Variants in RAB3B observed in about 807,000 individuals in gnomAD.
The protein encoded by RAB3B is RAB3B, member RAS oncogene family, also known as ras-related protein Rab-3B.
RAB3B carries 11 observed loss-of-function variants against 20.5 expected under a neutral mutation model. The ratio of observed to expected loss-of-function variants is 0.54; its 90% CI spans 0.34 to 0.89. RAB3B has a LOEUF of 0.89. Ranked by LOEUF, RAB3B falls within the 40% of genes least tolerant of loss-of-function variation. The probability of loss-of-function intolerance (pLI) is 0.02; values close to 1 mark genes in which losing one functional copy is unlikely to be tolerated. For missense variants in RAB3B, 225 were observed against 280.9 expected (o/e 0.80, Z 1.42); for synonymous variants, 99 against 106.3 (o/e 0.93, Z 0.42).
intron 4 of RAB3B, among the ~76,000 whole-genome samples, chr1:51,924,375 C>T (rs1007882264): frequency 1.3e-5 from 2 of 152,066 alleles, no homozygotes; most frequent in African/African-American, 4.8e-5. Flanking sequence ...AGACCAGGGA[C>T]GGTTTCTTGG....
At position 51,937,411 on chromosome 1, in the gene RAB3B, T is replaced by G; in HGVS notation, c.230A>C (p.Asp77Ala). 2 of 1,565,436 alleles carry G rather than the reference T, an allele frequency of 1.3e-6. No individual in the cohort carries two copies. Among genetic ancestry groups the G allele is most frequent in the Non-Finnish European group, 1.7e-6 (2 of 1,159,278 alleles). The change falls in exon 3 of 5, where the codon GAC (aspartate) becomes GCC (alanine). Residue 77 changes from aspartate to alanine, a missense_variant and splice_region_variant. Transcript: ENST00000371655. Reference sequence around the variant, plus strand: ...CCGGTACCGCTCCTGCCCAGCTGTGTCCTGGGCAGGAAAAGAAAAGAAACA... The same window carrying G: ...CCGGTACCGCTCCTGCCCAGCTGTGGCCTGGGCAGGAAAAGAAAAGAAACA... ...HEKRVKLQIW[D>A]TAGQERYRTI... is the part of the protein sequence containing the mutation.
chr1:51,959,415 G>T (rs1684755760), intron 2 of RAB3B, among the ~76,000 whole-genome samples: 1 of 152,170 alleles, frequency 6.6e-6, no homozygotes, highest in Admixed American at 6.5e-5. Flanking sequence ...TGGAGGCTGT[G>T]GTGGGAGGAC....
intron 1 of RAB3B, among the ~76,000 whole-genome samples, chr1:51,990,080 C>T (rs1375526715): frequency 2.2e-5 from 3 of 137,934 alleles, no homozygotes; most frequent in Admixed American, 7.3e-5. Flanking sequence ...CCCCTCCCCT[C>T]AGCTCCTCAC....
intron 2 of RAB3B, among the ~76,000 whole-genome samples, chr1:51,965,612 A>G (rs1283215797): frequency 6.6e-6 from 1 of 150,574 alleles, no homozygotes; most frequent in Non-Finnish European, 1.5e-5. Flanking sequence ...GTACCACTGC[A>G]CTCCAGCCTG....
At chr1:51,941,497 AC>A (rs1435873516) in intron 2 of RAB3B, among the ~76,000 whole-genome samples, 4 of 152,220 alleles carry the variant, frequency 2.6e-5, no homozygotes, top group Admixed American at 2.6e-4. Flanking sequence ...AGTGGTAACA[AC>A]AGGCATAGAG....
At chr1:51,957,258 T>C (rs530069432) in intron 2 of RAB3B, among the ~76,000 whole-genome samples, 1 of 152,200 alleles carries the variant, frequency 6.6e-6, no homozygotes, top group African/African-American at 2.4e-5. Flanking sequence ...AAGACAAAAA[T>C]ATATTTTAAC....
At chr1:51,984,956 C>T (rs1009413513) in intron 1 of RAB3B, among the ~76,000 whole-genome samples, 10 of 152,030 alleles carry the variant, frequency 6.6e-5, no homozygotes, top group African/African-American at 2.4e-4. Context: ...AGCTAACAGC[C>T]GAGACTAGAC....
chr1:51,987,991 C>G (rs1333860509), intron 1 of RAB3B, among the ~76,000 whole-genome samples: 2 of 152,122 alleles, frequency 1.3e-5, no homozygotes, highest in African/African-American at 4.8e-5. Flanking sequence ...GATCCTCCTA[C>G]CTCAGCCTCC....
rs2495225 is a variant in RAB3B at position 51,909,940 on chromosome 1, T to G, written c.*9987A>C. On this transcript the variant is annotated 3_prime_UTR_variant, in exon 5 of 5. Coordinates refer to ENST00000371655, the MANE Select transcript of RAB3B (RefSeq NM_002867.4). The stretch of plus-strand genomic sequence containing the variant: ...CCAACATCACACGTTCGGCATCTAC[T>G]GTGTGTGCACGGCACTGCACTAAGG... The G allele has an allele frequency of 0.77, 117,245 of 152,066 alleles. 45,802 individuals carry two copies. The highest frequency in any genetic ancestry group is 0.89 in the East Asian group (4,613 of 5,164). 9.4% of individuals were successfully genotyped at this position (152,066 alleles called of 1,614,324 possible).
chr1:51,977,793 C>T (rs1450395194), intron 1 of RAB3B, among the ~76,000 whole-genome samples: 1 of 151,632 alleles, frequency 6.6e-6, no homozygotes, highest in Non-Finnish European at 1.5e-5. Flanking sequence ...CAGAGCAAGA[C>T]CTCATCTCTA....
At chr1:51,924,011 G>A (rs962002248) in intron 4 of RAB3B, among the ~76,000 whole-genome samples, 1 of 152,102 alleles carries the variant, frequency 6.6e-6, no homozygotes, top group African/African-American at 2.4e-5. Context: ...AGTCCATATA[G>A]ACAGGGAGCT....
In RAB3B at chr1:51,908,739, G is replaced by A. The variant is rs1683956204; in HGVS notation, c.*11188C>T. 1 of 151,950 alleles carries A rather than the reference G, an allele frequency of 6.6e-6. No homozygotes were observed. The highest frequency in any genetic ancestry group is 2.1e-4 in the South Asian group (1 of 4,826). The allele number at this position is 151,950 out of a possible 1,614,324, so 9.4% of individuals were successfully genotyped here. ...AGAATTAGGACTGCCCACTGCGGGG[G>A]GAACAGACCCTCCCCTGTTCTGAGA... On this transcript the variant is annotated 3_prime_UTR_variant, in exon 5 of 5. Coordinates refer to ENST00000371655, the MANE Select transcript of RAB3B (RefSeq NM_002867.4).
intron 4 of RAB3B, among the ~76,000 whole-genome samples, chr1:51,927,001 G>A (rs1684253551): frequency 6.6e-6 from 1 of 152,172 alleles, no homozygotes; most frequent in Non-Finnish European, 1.5e-5. Context: ...AGCCTTCTGT[G>A]CTAGAAGTGA....
At chr1:51,970,994 G>C (rs1298507510) in intron 2 of RAB3B, among the ~76,000 whole-genome samples, 1 of 128,260 alleles carries the variant, frequency 7.8e-6, no homozygotes, top group Non-Finnish European at 1.6e-5. Context: ...CTGGGTGACA[G>C]AGCGAGACTC....
chr1:51,965,641 C>A, intron 2 of RAB3B, among the ~76,000 whole-genome samples: 2 of 142,472 alleles, frequency 1.4e-5, no homozygotes, highest in Non-Finnish European at 1.5e-5. Context: ...AGCAAGGCTC[C>A]ATCTCAAAAA....
chr1:51,936,290 C>G (rs573567691), intron 3 of RAB3B, among the ~76,000 whole-genome samples: 1 of 152,252 alleles, frequency 6.6e-6, no homozygotes, highest in South Asian at 2.1e-4. Flanking sequence ...AATCGTGCCC[C>G]AGGAAGAAAG....
At chr1:51,984,874 T>G (rs2794991) in intron 1 of RAB3B, among the ~76,000 whole-genome samples, 141,461 of 152,112 alleles carry the variant, frequency 0.93, 66,455 homozygotes, top group East Asian at 1. Context: ...TGGAAAGACG[T>G]GGATTATTAT....
In RAB3B at chr1:51,915,466, T is replaced by C. The variant is rs1335218690; in HGVS notation, c.*4461A>G. ...GGAACAGATCTTCTCTAAGCTCCTTTCCAGATCTGATAATCGATGAGTCTG... is the reference window on the plus strand; with the variant it reads ...GGAACAGATCTTCTCTAAGCTCCTTCCCAGATCTGATAATCGATGAGTCTG... On this transcript the variant is annotated 3_prime_UTR_variant, in exon 5 of 5. Coordinates refer to ENST00000371655, the MANE Select transcript of RAB3B (RefSeq NM_002867.4). 6.6e-6 allele frequency: 1 copy of C among 152,146 alleles called. No individual in the cohort carries two copies. Among genetic ancestry groups the C allele is most frequent in the Non-Finnish European group, 1.5e-5 (1 of 68,020 alleles). 9.4% of individuals were successfully genotyped at this position (152,146 alleles called of 1,614,324 possible). A position where few individuals can be genotyped will look rare whatever the true frequency, so the allele number is the denominator to read the frequency against.
chr1:51,979,198 TA>T (rs1465929568), intron 1 of RAB3B, among the ~76,000 whole-genome samples: 6 of 151,876 alleles, frequency 4.0e-5, no homozygotes, highest in Non-Finnish European at 7.4e-5. Context: ...CTCACAGCCT[TA>T]ACTTTTCAGC....
Sources: allele counts gnomAD v4.1 joint callset (sites outside exome capture counted in the v4.1 genomes callset), GRCh38; gene constraint gnomAD v4.1.1; transcripts MANE v1.5; gene names NCBI Gene and HGNC (gene_info 2026-07-23, HGNC 2026-07-21).